The following ATP1A2 variants were observed in gnomAD, a reference collection of about 807,000 sequenced individuals.
The protein encoded by ATP1A2 is ATPase Na+/K+ transporting subunit alpha 2.
ATP1A2 carries 56 observed loss-of-function variants against 113.1 expected under a neutral mutation model. That is an observed-to-expected ratio of 0.49 (90% CI 0.40 to 0.62). The LOEUF (loss-of-function observed/expected upper bound fraction) is 0.62, where lower values mean the gene tolerates loss of function less well. ATP1A2 is among the 20% of genes least tolerant of loss of function. The pLI, the probability that ATP1A2 is intolerant of heterozygous loss-of-function variation, is 0.00. For synonymous variants in ATP1A2, 490 were observed against 526.8 expected, an observed-to-expected ratio of 0.93 and a Z score of 0.96; for missense variants, 712 against 1,357.8, an observed-to-expected ratio of 0.52 and a Z score of 7.47.
At position 160,141,617 on chromosome 1, in the gene ATP1A2, A is replaced by G; in HGVS notation, c.*295A>G. 2.2e-6 allele frequency: 1 copy of G among 458,360 alleles called. No individual in the cohort carries two copies. Among genetic ancestry groups the G allele is most frequent in the Non-Finnish European group, 4.0e-6 (1 of 246,932 alleles). The allele number at this position is 458,360 out of a possible 1,614,324, so 28.4% of individuals were successfully genotyped here. On this transcript the variant is annotated 3_prime_UTR_variant, in exon 23 of 23. Coordinates refer to ENST00000361216, the MANE Select transcript of ATP1A2 (RefSeq NM_000702.4). Reference sequence around the variant, plus strand: ...TTTCTGAGGAATTAAGGGTTACCCCACCCTGCCCACTCCCATCCCTTCAAC... The same window carrying G: ...TTTCTGAGGAATTAAGGGTTACCCCGCCCTGCCCACTCCCATCCCTTCAAC...
In ATP1A2 at chr1:160,141,367, G is replaced by A; in HGVS notation, c.*45G>A. On this transcript the variant is annotated 3_prime_UTR_variant, in exon 23 of 23. Coordinates refer to ENST00000361216, the MANE Select transcript of ATP1A2 (RefSeq NM_000702.4). ...AGGCATGGAAAGATGGGGAGCTCTG[G>A]AGGTGTTGTGGGGATGGTGATGGAG... 6.2e-7 allele frequency: 1 copy of A among 1,610,944 alleles called. No homozygotes were observed. Among genetic ancestry groups the A allele is most frequent in the South Asian group, 1.1e-5 (1 of 91,022 alleles).
chr1:160,122,090 C>G (rs1570983824), intron 3 of ATP1A2, among the ~76,000 whole-genome samples: 1 of 151,944 alleles, frequency 6.6e-6, no homozygotes, highest in Non-Finnish European at 1.5e-5. Context: ...CGAGATCATA[C>G]CACTGTACTC....
At chr1:160,126,510 C>A (rs187889796) in intron 7 of ATP1A2, among the ~76,000 whole-genome samples, 1 of 152,260 alleles carries the variant, frequency 6.6e-6, no homozygotes, top group East Asian at 1.9e-4. Flanking sequence ...TGCTTTGTCA[C>A]CCAGACTGGA....
At chr1:160,134,719 A>G (rs1188016322) in intron 14 of ATP1A2, 99 bp downstream of exon 14, 4 of 1,557,242 alleles carry the variant, frequency 2.6e-6, no homozygotes, top group Admixed American at 1.7e-5. Flanking sequence ...CATTTCTGGG[A>G]CCTTTATAGG....
Position 160,130,474 on chromosome 1 carries a change from C to T in ATP1A2, c.1704C>T (p.Phe568=), listed in dbSNP as rs17846714. The part of the protein sequence containing the change: ...PSGKFPRGFK[F]DTDELNFPTE... Reference sequence around the variant, plus strand: ...GAAAGTTTCCTCGGGGCTTCAAATTCGACACGGATGAGCTGAACTTTCCCA... The same window carrying T: ...GAAAGTTTCCTCGGGGCTTCAAATTTGACACGGATGAGCTGAACTTTCCCA... The change falls in exon 13 of 23, where the codon TTC becomes TTT. Residue 568 remains phenylalanine, a synonymous_variant. Coordinates refer to ENST00000361216, the MANE Select transcript of ATP1A2 (RefSeq NM_000702.4). 0.028 allele frequency: 45,156 copies of T among 1,614,164 alleles called. 749 individuals are homozygous for T. The highest frequency in any genetic ancestry group is 0.06 in the Middle Eastern group (361 of 6,062).
chr1:160,137,125 A>G, intron 20 of ATP1A2, 94 bp downstream of exon 20: 1 of 1,585,004 alleles, frequency 6.3e-7, no homozygotes, highest in Non-Finnish European at 8.6e-7. Flanking sequence ...CCTGGACCAG[A>G]GCTGTAAGGA....
At position 160,115,930 on chromosome 1, in the gene ATP1A2, G is replaced by A. The variant is rs535758394; in HGVS notation, c.12+57G>A. ...CTAGAGGGTGAGGGAGGCTGCTGAG[G>A]AAGGATGAAGTGGGAATGGGATGTG... On this transcript the variant is annotated intron_variant, in intron 1 of 22. Coordinates refer to ENST00000361216, the MANE Select transcript of ATP1A2 (RefSeq NM_000702.4). 3.8e-5 allele frequency: 60 copies of A among 1,582,724 alleles called. 2 individuals carry two copies. The South Asian group carries it at 6.6e-4, about 17-fold the overall frequency.
chr1:160,134,262 A>G (rs1169012313), intron 13 of ATP1A2, among the ~76,000 whole-genome samples: 1 of 136,362 alleles, frequency 7.3e-6, no homozygotes, highest in Non-Finnish European at 1.6e-5. Context: ...CATCCTACAC[A>G]CACATACACA....
intron 4 of ATP1A2, 42 bp from the exon 5 acceptor site, chr1:160,123,901 T>TG (rs944861275): frequency 6.3e-7 from 1 of 1,586,430 alleles, no homozygotes; most frequent in African/African-American, 1.3e-5. Flanking sequence ...CCTTTAGGGT[T>TG]GGGGGGAAGG....
In ATP1A2 at chr1:160,136,288, T is replaced by C. The variant is rs773617299; in HGVS notation, c.2481T>C (p.Asp827=). The change falls in exon 18 of 23, where the codon GAT becomes GAC. Residue 827 remains aspartate (D), a synonymous_variant. Coordinates refer to ENST00000361216, the MANE Select transcript of ATP1A2 (RefSeq NM_000702.4). The part of the protein sequence containing the change: ...ISLAYEAAES[D]IMKRQPRNSQ... ...TGGCCTATGAGGCAGCTGAGAGTGA[T>C]ATCATGAAGCGGCAGCCACGAAACT... 6.2e-7 allele frequency: 1 copy of C among 1,614,160 alleles called. No homozygotes were observed. The highest frequency in any genetic ancestry group is 2.2e-5 in the East Asian group (1 of 44,872).
chr1:160,131,158 T>C (rs1651758067), intron 13 of ATP1A2, among the ~76,000 whole-genome samples: 1 of 152,118 alleles, frequency 6.6e-6, no homozygotes, highest in African/African-American at 2.4e-5. Flanking sequence ...TCTAGCACCT[T>C]GCACAGTGCC....
Position 160,139,998 on chromosome 1 carries a change from C to T in ATP1A2, c.3034+14C>T, listed in dbSNP as rs41288127. The T allele has an allele frequency of 0.13, 214,371 of 1,612,062 alleles. 14,908 individuals are homozygous for T. The highest frequency in any genetic ancestry group is 0.14 in the Admixed American group (8,428 of 59,996). ...GGTATCCTGGTGGTAAGCCCCTCCACATTCCCCCCAGCAAAGTGCAAGCCC... is the reference window on the plus strand; with the variant it reads ...GGTATCCTGGTGGTAAGCCCCTCCATATTCCCCCCAGCAAAGTGCAAGCCC... On this transcript the variant is annotated intron_variant, in intron 22 of 22. Coordinates refer to ENST00000361216, the MANE Select transcript of ATP1A2 (RefSeq NM_000702.4).
In ATP1A2 at chr1:160,136,974, G is replaced by A; in HGVS notation, c.2783G>A (p.Trp928Ter). Residue 928 changes from tryptophan (W) to a stop codon, truncating the protein, a stop_gained, in exon 20 of 23, where the codon TGG becomes TAG. Transcript: ENST00000361216. LOFTEE classifies it high-confidence loss of function. ...TTTGCCAGCATCGTGGTGGTGCAGTGGGCTGACCTCATCATCTGCAAGACC... is the reference window on the plus strand; with the variant it reads ...TTTGCCAGCATCGTGGTGGTGCAGTAGGCTGACCTCATCATCTGCAAGACC... ...AFFASIVVVQ[W>*]ADLIICKTRR... is the part of the protein sequence containing the mutation. 4 of 1,614,114 alleles carry A rather than the reference G, an allele frequency of 2.5e-6. No homozygotes were observed. The highest frequency in any genetic ancestry group is 3.4e-6 in the Non-Finnish European group (4 of 1,180,036).
chr1:160,130,128 C>T lies in ATP1A2; in HGVS notation c.1488C>T (p.Ser496=), dbSNP rs1389306585. 2.5e-6 allele frequency: 4 copies of T among 1,614,220 alleles called. No homozygotes were observed. The highest frequency in any genetic ancestry group is 4.5e-5 in the East Asian group (2 of 44,878). Residue 496 remains serine, a synonymous_variant, in exon 12 of 23, where the codon AGC becomes AGT. Coordinates refer to ENST00000361216, the MANE Select transcript of ATP1A2 (RefSeq NM_000702.4). ...YQLSIHERED[S]PQSHVLVMKG... ...TGTCTATCCACGAGCGAGAAGACAG[C>T]CCCCAGAGCCACGTGCTGGTGATGA...
In ATP1A2 at chr1:160,139,736, G is replaced by T. The variant is rs201879002; in HGVS notation, c.2937G>T (p.Pro979=). 1.2e-5 allele frequency: 19 copies of T among 1,614,090 alleles called. No individual in the cohort carries two copies. The highest frequency in any genetic ancestry group is 1.6e-4 in the Middle Eastern group (1 of 6,062). The change falls in exon 21 of 23, where the codon CCG becomes CCT. Residue 979 remains proline (P), a synonymous_variant. Transcript: ENST00000361216. ...PGMGVALRMY[P]LKVTWWFCAF... ...TGGGTGTAGCCCTCCGCATGTACCC[G>T]CTCAAGTGAGTGTCTCTTTCGGGCG...
rs913792941 is a variant in ATP1A2 at position 160,135,700 on chromosome 1, T to C, written c.2284+98T>C. The C allele has an allele frequency of 8.1e-6, 13 of 1,610,698 alleles. No individual in the cohort carries two copies. Among genetic ancestry groups the C allele is most frequent in the Non-Finnish European group, 1.1e-5 (13 of 1,178,400 alleles). ...CCCAGTTGAAGAATCATTCCACAAC[T>C]CTAGGCAGCCCAGCCCACTTTAGCT... On this transcript the variant is annotated intron_variant, in intron 16 of 22. Transcript: ENST00000361216. This position sits in a 1 kb window ranked among gnomAD's most constrained non-coding sequence, Gnocchi z 6.3.
In ATP1A2 at chr1:160,139,722, C is replaced by T. The variant is rs1652072049; in HGVS notation, c.2923C>T (p.Leu975Phe). 1.2e-6 allele frequency: 2 copies of T among 1,614,228 alleles called. No homozygotes were observed. The highest frequency in any genetic ancestry group is 1.7e-6 in the Non-Finnish European group (2 of 1,180,038). Residue 975 changes from leucine (L) to phenylalanine (F), a missense_variant, in exon 21 of 23, where the codon CTC becomes TTC. Physicochemically the swap from Leu to Phe is conservative, Grantham distance 22 (BLOSUM62 0). Coordinates refer to ENST00000361216, the MANE Select transcript of ATP1A2 (RefSeq NM_000702.4). Reference protein sequence around the residue: ...LSYCPGMGVALRMYPLKVTWW... With the variant: ...LSYCPGMGVAFRMYPLKVTWW... Reference sequence around the variant, plus strand: ...TTACTGCCCAGGCATGGGTGTAGCCCTCCGCATGTACCCGCTCAAGTGAGT... The same window carrying T: ...TTACTGCCCAGGCATGGGTGTAGCCTTCCGCATGTACCCGCTCAAGTGAGT...
chr1:160,131,695 G>C (rs1448419662), intron 13 of ATP1A2, among the ~76,000 whole-genome samples: 2 of 152,128 alleles, frequency 1.3e-5, no homozygotes, highest in African/African-American at 4.8e-5. Flanking sequence ...GCCACGTGTA[G>C]TGGCAGGTGC....
rs201645659 is a variant in ATP1A2, at chr1:160,134,489, C to T, written c.1833C>T (p.Ile611=). 6.2e-7 allele frequency: 1 copy of T among 1,614,218 alleles called. No individual in the cohort carries two copies. The highest frequency in any genetic ancestry group is 8.5e-7 in the Non-Finnish European group (1 of 1,180,046). The change falls in exon 14 of 23, where the codon ATC becomes ATT. Residue 611 remains isoleucine (I), a synonymous_variant. Transcript: ENST00000361216. Reference sequence around the variant, plus strand: ...TCTCCTCTCCTTCCCACTAGGTGATCATGGTAACCGGGGATCACCCTATCA... The same window carrying T: ...TCTCCTCTCCTTCCCACTAGGTGATTATGGTAACCGGGGATCACCCTATCA... The part of the protein sequence containing the change: ...GKCRSAGIKV[I]MVTGDHPITA...
Sources: gnomAD v4.1 joint callset for allele counts (sites outside exome capture counted in the v4.1 genomes callset) on GRCh38, gnomAD v4.1.1 for gene constraint, Gnocchi (gnomAD v3.1) non-coding constraint, MANE v1.5 for transcripts, NCBI Gene and HGNC (gene_info 2026-07-23, HGNC 2026-07-21) for gene names.